VWA3B: variants seen among roughly 807,000 people sequenced by gnomAD.
VWA3B encodes the protein von Willebrand factor A domain-containing protein 3B.
Under a neutral mutation model 158.3 loss-of-function variants are expected in VWA3B, and 138 were observed. The ratio of observed to expected loss-of-function variants is 0.87; its 90% confidence interval spans 0.76 to 1.00. VWA3B has a LOEUF of 1.00. VWA3B is among the 50% of genes least tolerant of loss of function. The pLI, the probability that VWA3B is intolerant of heterozygous loss-of-function variation, is 0.00. For missense variants in VWA3B, 1,555 were observed against 1,565.1 expected (o/e 0.99, Z 0.11); for synonymous variants, 596 against 587.3 (o/e 1.01, Z -0.21).
At chr2:98,219,905 G>A (rs1165756503) in intron 14 of VWA3B, among the ~76,000 whole-genome samples, 2 of 152,056 alleles carry the variant, frequency 1.3e-5, no homozygotes, top group Non-Finnish European at 2.9e-5. Flanking sequence ...GCTCACACCT[G>A]TAATCCTAGC....
chr2:98,313,955 G>A (rs1691031918), downstream of VWA3B, among the ~76,000 whole-genome samples: 1 of 152,146 alleles, frequency 6.6e-6, no homozygotes, highest in Admixed American at 6.5e-5. Flanking sequence ...ATACAGAATG[G>A]CAGCAACTAG....
In VWA3B at chr2:98,093,125, T is replaced by G. The variant is rs776165239; in HGVS notation, c.33T>G (p.Ser11=). Residue 11 remains serine (S), a synonymous_variant, in exon 2 of 28, where the codon TCT becomes TCG. Coordinates refer to ENST00000477737, the MANE Select transcript of VWA3B (RefSeq NM_144992.5). ...AATCAGGCCCATCTTCTACCATCTC[T>G]GAGCAGCAGCTGCAGAGGCAAGAGG... MEKSGPSSTI[S]EQQLQRQEGW... is the part of the protein sequence containing the mutation. The G allele has an allele frequency of 6.2e-7, 1 of 1,614,074 alleles. No homozygotes were observed. Among genetic ancestry groups the G allele is most frequent in the East Asian group, 2.2e-5 (1 of 44,870 alleles).
At chr2:98,108,817 T>A (rs748599733) in intron 2 of VWA3B, among the ~76,000 whole-genome samples, 19 of 152,206 alleles carry the variant, frequency 1.2e-4, no homozygotes, top group Non-Finnish European at 2.8e-4. Flanking sequence ...ATCTTTTACT[T>A]GGTATATTAG....
intron 7 of VWA3B, among the ~76,000 whole-genome samples, chr2:98,150,912 C>G (rs1368352081): frequency 6.6e-6 from 1 of 152,184 alleles, no homozygotes; most frequent in Non-Finnish European, 1.5e-5. Flanking sequence ...AAGCTTCTCA[C>G]CTTTTCAAGA....
chr2:98,302,322 C>T (rs1300882931), intron 25 of VWA3B, among the ~76,000 whole-genome samples: 1 of 152,216 alleles, frequency 6.6e-6, no homozygotes, highest in Non-Finnish European at 1.5e-5. Flanking sequence ...TCCTCACCAA[C>T]CTCTCAATCC....
chr2:98,150,608 G>A (rs1395264528), intron 7 of VWA3B, among the ~76,000 whole-genome samples: 1 of 152,184 alleles, frequency 6.6e-6, no homozygotes, highest in East Asian at 1.9e-4. Context: ...GCTTGGTGGT[G>A]TCTAAAGACC....
intron 26 of VWA3B, among the ~76,000 whole-genome samples, chr2:98,307,017 C>T (rs1433686726): frequency 6.6e-6 from 1 of 152,152 alleles, no homozygotes; most frequent in Non-Finnish European, 1.5e-5. Flanking sequence ...AGGCATAGGT[C>T]TGATTTTGTG....
chr2:98,126,050 C>G (rs1409837183), intron 5 of VWA3B, among the ~76,000 whole-genome samples: 2 of 152,096 alleles, frequency 1.3e-5, no homozygotes, highest in African/African-American at 4.8e-5. Context: ...GATAGGTGGT[C>G]TCAATGTAAA....
At chr2:98,156,342 T>A (rs1035136844) in intron 7 of VWA3B, among the ~76,000 whole-genome samples, 11 of 152,214 alleles carry the variant, frequency 7.2e-5, no homozygotes, top group African/African-American at 2.4e-4. Context: ...ATTAGCCTCC[T>A]AGAACTTGCT....
intron 14 of VWA3B, 50 bp downstream of exon 14, chr2:98,218,078 C>T: frequency 1.3e-6 from 2 of 1,536,972 alleles, no homozygotes; most frequent in Non-Finnish European, 1.7e-6. Flanking sequence ...TTGAGCATTA[C>T]AGGCTGGCGG....
rs758071410 is a variant in VWA3B, at chr2:98,128,381, AGGATCT to A, written c.847_852del (p.Asp283_Leu284del). On this transcript the variant is annotated inframe_deletion, in exon 6 of 28. Coordinates refer to ENST00000477737, the MANE Select transcript of VWA3B (RefSeq NM_144992.5). ...GGAGAAGGCACTATAGCTTTTCTAA[AGGATCT>A]GAGTGCCAAGACCCACAGCAGGTAG... 4 of 1,613,710 alleles carry A rather than the reference AGGATCT, an allele frequency of 2.5e-6. No individual in the cohort carries two copies. In the African/African-American group the frequency reaches 5.3e-5, roughly 22 times the overall value.
chr2:98,150,136 C>G (rs1009813839), intron 7 of VWA3B, among the ~76,000 whole-genome samples: 2 of 152,222 alleles, frequency 1.3e-5, no homozygotes, highest in Admixed American at 6.5e-5. Context: ...AGGCTGAGAG[C>G]AATTTTATCT....
At chr2:98,176,689 A>T (rs532842789) in intron 8 of VWA3B, among the ~76,000 whole-genome samples, 2 of 152,252 alleles carry the variant, frequency 1.3e-5, no homozygotes, top group Non-Finnish European at 2.9e-5. Flanking sequence ...ATGCAGAAAG[A>T]CTCTGGGGCT....
chr2:98,148,179 A>G (rs1213188253), intron 7 of VWA3B, among the ~76,000 whole-genome samples: 1 of 152,140 alleles, frequency 6.6e-6, no homozygotes, highest in African/African-American at 2.4e-5. Context: ...TTGTGGGGTA[A>G]TCTCTCATGT....
chr2:98,303,299 AG>A (rs1690309628), intron 25 of VWA3B, among the ~76,000 whole-genome samples: 1 of 152,016 alleles, frequency 6.6e-6, no homozygotes, highest in African/African-American at 2.4e-5. Flanking sequence ...TGGAGGGGGA[AG>A]GATACTGGAG....
At chr2:98,106,238 C>T (rs1673645675) in intron 2 of VWA3B, among the ~76,000 whole-genome samples, 1 of 152,110 alleles carries the variant, frequency 6.6e-6, no homozygotes. Flanking sequence ...TTGTTCTATT[C>T]ATCTGTGTTT....
At chr2:98,121,987 T>G (rs932468775) in intron 5 of VWA3B, 2 of 152,812 alleles carry the variant, frequency 1.3e-5, no homozygotes, top group African/African-American at 4.8e-5. Flanking sequence ...TCACACACTT[T>G]CCAAGGTGAA....
rs139085555 is a variant in VWA3B, at chr2:98,263,997, C to A, written c.2844-6685C>A. ...TATGTTTCTAGGAATTTATCCATTT[C>A]TTCTTGGTTATGCAATTTGTCGGTG... On this transcript the variant is annotated intron_variant, in intron 21 of 27. Coordinates refer to ENST00000477737, the MANE Select transcript of VWA3B (RefSeq NM_144992.5). Among the ~76,000 whole-genome samples, 795 of 151,874 alleles carry A rather than the reference C, an allele frequency of 5.2e-3. 7 individuals are homozygous for A. Among genetic ancestry groups the A allele is most frequent in the African/African-American group, 0.018 (752 of 41,452 alleles).
chr2:98,219,458 C>A (rs4132467), intron 14 of VWA3B, among the ~76,000 whole-genome samples: 1 of 151,904 alleles, frequency 6.6e-6, no homozygotes, highest in African/African-American at 2.4e-5. Flanking sequence ...AAGAAACAAA[C>A]CAAAACAAAA....
Sources: gnomAD v4.1 joint callset for allele counts (sites outside exome capture counted in the v4.1 genomes callset) on GRCh38, gnomAD v4.1.1 for gene constraint, MANE v1.5 for transcripts, NCBI Gene and HGNC (gene_info 2026-07-23, HGNC 2026-07-21) for gene names.